SOD1: variants seen among roughly 807,000 people sequenced by gnomAD.
SOD1 encodes superoxide dismutase [Cu-Zn].
SOD1 carries 8 observed loss-of-function variants against 15.9 expected under a neutral mutation model. The ratio of observed to expected loss-of-function variants is 0.50; its 90% confidence interval spans 0.30 to 0.91. The LOEUF is 0.91. Among genes scored for constraint, SOD1 ranks in the 40% least tolerant of loss-of-function variants. The pLI is 0.07. For missense variants in SOD1, 137 were observed against 194.5 expected (o/e 0.70, Z 1.76); for synonymous variants, 86 against 71.2 (o/e 1.21, Z -1.04).
chr21:31,663,988 T>C (rs1338305532), intron 2 of SOD1, 102 bp downstream of exon 2: 1 of 876,244 alleles, frequency 1.1e-6, no homozygotes, highest in African/African-American at 1.6e-5. Flanking sequence ...GTTTTTGTTT[T>C]TGAGAAAGGG....
rs1297567794 is a variant in SOD1, at chr21:31,659,774, C to T, written c.5C>T (p.Ala2Val). The change falls in exon 1 of 5, where the codon GCG becomes GTG. Residue 2 changes from alanine (A) to valine (V), a missense_variant. By Grantham distance (64) the Ala-to-Val change is moderately conservative (BLOSUM62 0). Transcript: ENST00000270142. M[A>V]TKAVCVLKGD... ...CTCGGCGTGGCCTAGCGAGTTATGG[C>T]GACGAAGGCCGTGTGCGTGCTGAAG... 6.2e-7 allele frequency: 1 copy of T among 1,613,888 alleles called. No individual in the cohort carries two copies.
intron 2 of SOD1, among the ~76,000 whole-genome samples, chr21:31,664,659 C>T (rs1685409721): frequency 6.6e-6 from 1 of 152,064 alleles, no homozygotes; most frequent in African/African-American, 2.4e-5. Context: ...TACTCTGTGG[C>T]CCAGGCTGGA....
At chr21:31,665,658 A>G (rs1164557591) in intron 2 of SOD1, among the ~76,000 whole-genome samples, 1 of 152,154 alleles carries the variant, frequency 6.6e-6, no homozygotes, top group African/African-American at 2.4e-5. Context: ...TCTACACAGG[A>G]TACAGTTGGA....
In SOD1 at chr21:31,668,487, A is replaced by T. The variant is rs1568811366; in HGVS notation, c.374A>T (p.Asp125Val). 6 of 1,613,948 alleles carry T rather than the reference A, an allele frequency of 3.7e-6. No homozygotes were observed. Among genetic ancestry groups the T allele is most frequent in the Non-Finnish European group, 5.1e-6 (6 of 1,179,822 alleles). The part of the protein sequence containing the change: ...GRTLVVHEKA[D>V]DLGKGGNEES... Reference sequence around the variant, plus strand: ...TTTTTACAGGTCCATGAAAAAGCAGATGACTTGGGCAAAGGTGGAAATGAA... The same window carrying T: ...TTTTTACAGGTCCATGAAAAAGCAGTTGACTTGGGCAAAGGTGGAAATGAA... The change falls in exon 5 of 5, where the codon GAT becomes GTT. Residue 125 changes from aspartate to valine, a missense_variant. Coordinates refer to ENST00000270142, the MANE Select transcript of SOD1 (RefSeq NM_000454.5).
chr21:31,660,019 T>C, intron 1 of SOD1, 178 bp downstream of exon 1: 1 of 451,422 alleles, frequency 2.2e-6, no homozygotes. Context: ...GCCCAAGTGC[T>C]GAGTCACCGG....
intron 1 of SOD1, 149 bp downstream of exon 1, chr21:31,659,990 T>G: frequency 2.9e-6 from 2 of 683,474 alleles, no homozygotes; most frequent in Non-Finnish European, 4.6e-6. Flanking sequence ...GTCGGTGCCT[T>G]CGCCCCCAGC....
At chr21:31,659,907 T>A (rs1342593887) in intron 1 of SOD1, 66 bp downstream of exon 1, 8 of 1,538,612 alleles carry the variant, frequency 5.2e-6, no homozygotes, top group Non-Finnish European at 7.1e-6. Flanking sequence ...CGCGCACCTT[T>A]GCTAGGAGCG....
chr21:31,664,388 A>G, intron 2 of SOD1: 1 of 222,840 alleles, frequency 4.5e-6, no homozygotes, highest in East Asian at 1.1e-4. Context: ...AGCAGAGTAC[A>G]CACAAGAAAA....
At chr21:31,662,883 T>C (rs1300833160) in intron 1 of SOD1, among the ~76,000 whole-genome samples, 1 of 151,766 alleles carries the variant, frequency 6.6e-6, no homozygotes, top group East Asian at 1.9e-4. Context: ...GGTGTGGTGG[T>C]GGGCGCCTGT....
intron 1 of SOD1, among the ~76,000 whole-genome samples, chr21:31,663,485 GGTACTCACT>G (rs1417288760): frequency 6.6e-6 from 1 of 152,158 alleles, no homozygotes; most frequent in Non-Finnish European, 1.5e-5. Flanking sequence ...CTGATGTGTA[GGTACTCACT>G]TTGCTTGCCA....
chr21:31,663,545 G>T (rs2049567160), intron 1 of SOD1, among the ~76,000 whole-genome samples: 1 of 152,120 alleles, frequency 6.6e-6, no homozygotes, highest in Non-Finnish European at 1.5e-5. Flanking sequence ...CATGAAGCCT[G>T]GCCACAGGGT....
chr21:31,663,340 CAAAAT>C (rs918399626), intron 1 of SOD1, among the ~76,000 whole-genome samples: 2 of 151,782 alleles, frequency 1.3e-5, no homozygotes, highest in Non-Finnish European at 2.9e-5. Context: ...ACTCTTGTCT[CAAAAT>C]AAAAAACGTT....
At chr21:31,664,808 C>T (rs993130859) in intron 2 of SOD1, among the ~76,000 whole-genome samples, 2 of 151,944 alleles carry the variant, frequency 1.3e-5, no homozygotes, top group Non-Finnish European at 2.9e-5. Context: ...TTAGTAGAGA[C>T]GGGGTTTCAC....
intron 1 of SOD1, 134 bp downstream of exon 1, chr21:31,659,975 G>T (rs1325962942): frequency 8.8e-6 from 7 of 799,782 alleles, no homozygotes; most frequent in South Asian, 1.8e-5. Context: ...GGCCCGTGCC[G>T]CCCGGTCGGT....
intron 3 of SOD1, chr21:31,666,880 A>T (rs2049598109): frequency 2.6e-6 from 1 of 389,926 alleles, no homozygotes; most frequent in South Asian, 2.9e-5. Flanking sequence ...AAAAAAATTG[A>T]TACTGAAAAC....
At chr21:31,662,405 C>T (rs753534442) in intron 1 of SOD1, among the ~76,000 whole-genome samples, 1 of 152,116 alleles carries the variant, frequency 6.6e-6, no homozygotes, top group Non-Finnish European at 1.5e-5. Context: ...AACTGTTGGC[C>T]GTATTTGAAA....
chr21:31,666,580 T>C (rs1568810368), intron 3 of SOD1, 62 bp downstream of exon 3: 1 of 1,164,956 alleles, frequency 8.6e-7, no homozygotes, highest in Non-Finnish European at 1.3e-6. Context: ...TATGGTATAC[T>C]ACTTGTAAAT....
chr21:31,659,696 T>C lies in SOD1; in HGVS notation c.-74T>C. The C allele has an allele frequency of 1.3e-6, 2 of 1,499,846 alleles. No homozygotes were observed. The highest frequency in any genetic ancestry group is 1.7e-5 in the Admixed American group (1 of 59,592). The allele number at this position is 1,499,846 out of a possible 1,614,324, so 92.9% of individuals were successfully genotyped here. ...CGCGGAGACGGGGTGCTGGTTTGCG[T>C]CGTAGTCTCCTGCAGCGTCTGGGGT... On this transcript the variant is annotated 5_prime_UTR_variant, in exon 1 of 5. Coordinates refer to ENST00000270142, the MANE Select transcript of SOD1 (RefSeq NM_000454.5).
At chr21:31,665,026 A>T (rs529800027) in intron 2 of SOD1, among the ~76,000 whole-genome samples, 1 of 152,272 alleles carries the variant, frequency 6.6e-6, no homozygotes, top group Non-Finnish European at 1.5e-5. Flanking sequence ...TGCCTCGAGC[A>T]AAGGGGCTGC....
Sources: gnomAD v4.1 joint callset for allele counts (sites outside exome capture counted in the v4.1 genomes callset) on GRCh38, gnomAD v4.1.1 for gene constraint, MANE v1.5 for transcripts, NCBI Gene and HGNC (gene_info 2026-07-23, HGNC 2026-07-21) for gene names.